CAMKK2: variants seen among roughly 807,000 people sequenced by gnomAD.
CAMKK2 encodes calcium/calmodulin dependent protein kinase kinase 2.
Under a neutral mutation model 67.2 loss-of-function variants are expected in CAMKK2, and 30 were observed. The ratio of observed to expected loss-of-function variants is 0.45; its 90% CI spans 0.33 to 0.61. The LOEUF (loss-of-function observed/expected upper bound fraction) is 0.61, where lower values mean the gene tolerates loss of function less well. Among genes scored for constraint, CAMKK2 ranks in the 20% least tolerant of loss-of-function variants. The pLI is 0.02. For missense variants in CAMKK2, 643 were observed against 802.0 expected, an observed-to-expected ratio of 0.80 and a Z score of 2.39; for synonymous variants, 322 against 326.2, an observed-to-expected ratio of 0.99 and a Z score of 0.14.
chr12:121,264,144 G>A lies in CAMKK2; in HGVS notation c.626-205C>T, dbSNP rs1233320345. On this transcript the variant is annotated intron_variant, in intron 5 of 16. Coordinates refer to ENST00000404169, the MANE Select transcript of CAMKK2 (RefSeq NM_001270485.2). ...GTGAGTGAGGGCGGAGCCCTCGGCC[G>A]TCCTGTGAATTCCCTCCTTCCCGTC... Among the ~76,000 whole-genome samples, 5 of 152,214 alleles carry A rather than the reference G, an allele frequency of 3.3e-5. 1 individual carries two copies. Among genetic ancestry groups the A allele is most frequent in the South Asian group, 4.1e-4 (2 of 4,830 alleles).
chr12:121,288,529 G>A (rs917945598), intron 1 of CAMKK2, among the ~76,000 whole-genome samples: 8 of 152,144 alleles, frequency 5.3e-5, no homozygotes, highest in Non-Finnish European at 1.0e-4. Flanking sequence ...ATACCCCAAA[G>A]CACATTTCAA....
At chr12:121,241,883 G>C (rs1888454697) in intron 16 of CAMKK2, among the ~76,000 whole-genome samples, 1 of 152,248 alleles carries the variant, frequency 6.6e-6, no homozygotes, top group Admixed American at 6.5e-5. Flanking sequence ...CCCAGTCCAA[G>C]ACCCCCAGTG....
At chr12:121,297,588 C>T (rs199844716), upstream of CAMKK2, 1 of 516,512 alleles carries the variant, frequency 1.9e-6, no homozygotes, top group East Asian at 5.5e-5. Flanking sequence ...GATAACAGCA[C>T]TGTGCGGGGA....
At position 121,248,672 on chromosome 12, in the gene CAMKK2, C is replaced by T. The variant is rs200149539; in HGVS notation, c.1386G>A (p.Thr462=). Reference sequence around the variant, plus strand: ...CCTCCTCTTCAGTCACTTCGACCAGCGTGCAGTTCTCATCCTCCGACGGCA... The same window carrying T: ...CCTCCTCTTCAGTCACTTCGACCAGTGTGCAGTTCTCATCCTCCGACGGCA... ...EPLPSEDENC[T]LVEVTEEEVE... The change falls in exon 14 of 17, where the codon ACG becomes ACA. Residue 462 remains threonine, a synonymous_variant. Transcript: ENST00000404169. The T allele has an allele frequency of 1.3e-4, 216 of 1,614,196 alleles. 3 individuals are homozygous for T. The South Asian group carries it at 2.3e-3, about 17-fold the overall frequency.
intron 1 of CAMKK2, among the ~76,000 whole-genome samples, chr12:121,281,186 C>T (rs1277230379): frequency 2.6e-5 from 4 of 152,256 alleles, no homozygotes; most frequent in Non-Finnish European, 4.4e-5. Context: ...ATGTGATTAT[C>T]GGGGCAGGTC....
Position 121,274,144 on chromosome 12 carries a change from T to G in CAMKK2, c.383A>C (p.Tyr128Ser). Residue 128 changes from tyrosine to serine, a missense_variant, in exon 2 of 17, where the codon TAC becomes TCC. Physicochemically the swap from Tyr to Ser is moderately radical, Grantham distance 144. Around this residue, in one of 3 missense-constraint regions of CAMKK2, gnomAD observed 483 missense variants for 625.8 expected, o/e 0.77. Transcript: ENST00000404169. Reference protein sequence around the residue: ...NGRCICPSLPYSPVSSPQSSP... With the variant: ...NGRCICPSLPSSPVSSPQSSP... ...GGACTGCGGGGAGCTGACGGGTGAG[T>G]AGGGCAGGGACGGGCAGATGCAGCG... 6.3e-7 allele frequency: 1 copy of G among 1,587,790 alleles called. No individual in the cohort carries two copies. The highest frequency in any genetic ancestry group is 8.6e-7 in the Non-Finnish European group (1 of 1,165,346).
chr12:121,283,241 G>T (rs527375953), intron 1 of CAMKK2, among the ~76,000 whole-genome samples: 1 of 152,174 alleles, frequency 6.6e-6, no homozygotes, highest in African/African-American at 2.4e-5. Flanking sequence ...CACGGAGGCG[G>T]TGCTGGAATA....
chr12:121,294,663 T>G (rs1900775632), intron 1 of CAMKK2, among the ~76,000 whole-genome samples: 1 of 152,162 alleles, frequency 6.6e-6, no homozygotes, highest in African/African-American at 2.4e-5. Context: ...GCAAGTTACT[T>G]AACTTCTCTG....
chr12:121,259,288 G>A (rs913370410), intron 7 of CAMKK2, among the ~76,000 whole-genome samples: 9 of 152,156 alleles, frequency 5.9e-5, no homozygotes, highest in Non-Finnish European at 8.8e-5. Flanking sequence ...TGTCCTGCTC[G>A]GGGTTTTTGT....
rs1041178938 is a variant in CAMKK2 at position 121,237,752 on chromosome 12, A to C, written c.*2947T>G. ...ACAGAGAAGCTTAAACACCTGTGGA[A>C]AAACACGAAAGGCTTAGTTGTCTCT... On this transcript the variant is annotated 3_prime_UTR_variant, in exon 17 of 17. Transcript: ENST00000404169. This position sits in a 1 kb window ranked among gnomAD's most constrained non-coding sequence, Gnocchi z 4.5. 6.6e-6 allele frequency: 1 copy of C among 152,648 alleles called. No individual in the cohort carries two copies. Among genetic ancestry groups the C allele is most frequent in the Non-Finnish European group, 1.5e-5 (1 of 68,046 alleles). The allele number at this position is 152,648 out of a possible 1,614,324, so 9.5% of individuals were successfully genotyped here.
Position 121,245,622 on chromosome 12 carries a change from A to G in CAMKK2, c.1453-382T>C, listed in dbSNP as rs1889297049. 6.6e-6 allele frequency among the ~76,000 whole-genome samples: 1 copy of G among 152,062 alleles called. No individual in the cohort carries two copies. The highest frequency in any genetic ancestry group is 2.4e-5 in the African/African-American group (1 of 41,402). ...GCCAGAGAGCCCCGGAAAGTTCTGGAGCAAGGACGTGAACCAGTCATTCTT... is the reference window on the plus strand; with the variant it reads ...GCCAGAGAGCCCCGGAAAGTTCTGGGGCAAGGACGTGAACCAGTCATTCTT... On this transcript the variant is annotated intron_variant, in intron 14 of 16. Coordinates refer to ENST00000404169, the MANE Select transcript of CAMKK2 (RefSeq NM_001270485.2). This position sits in a 1 kb window ranked among gnomAD's most constrained non-coding sequence, Gnocchi z 5.8.
chr12:121,248,879 G>A, intron 13 of CAMKK2, 145 bp from the exon 14 acceptor site: 1 of 882,794 alleles, frequency 1.1e-6, no homozygotes, highest in Non-Finnish European at 1.8e-6. Context: ...GCAGAGGGCA[G>A]GGGTGAGCAA....
At chr12:121,260,250 G>A (rs368588688) in intron 7 of CAMKK2, 69 bp downstream of exon 7, 59 of 1,376,728 alleles carry the variant, frequency 4.3e-5, no homozygotes, top group African/African-American at 1.6e-4. Context: ...AGGCTGCCTC[G>A]AGAGGACCCC....
At chr12:121,271,235 T>C (rs1384337227) in intron 2 of CAMKK2, among the ~76,000 whole-genome samples, 9 of 149,056 alleles carry the variant, frequency 6.0e-5, no homozygotes, top group Admixed American at 5.4e-4. Flanking sequence ...GATTGCACCA[T>C]TGCACTCCAG....
chr12:121,276,729 T>C (rs1896882856), intron 1 of CAMKK2, among the ~76,000 whole-genome samples: 1 of 151,864 alleles, frequency 6.6e-6, no homozygotes, highest in Non-Finnish European at 1.5e-5. Context: ...CTACTAAAAA[T>C]ACAACAATAA....
intron 14 of CAMKK2, among the ~76,000 whole-genome samples, chr12:121,248,375 AT>A (rs1889931457): frequency 6.6e-6 from 1 of 152,242 alleles, no homozygotes; most frequent in African/African-American, 2.4e-5. Context: ...GAAAGCAGGA[AT>A]TCCAGAAGGA....
intron 3 of CAMKK2, 72 bp from the exon 4 acceptor site, chr12:121,269,653 A>G (rs1895327706): frequency 3.3e-6 from 4 of 1,194,628 alleles, no homozygotes; most frequent in Non-Finnish European, 4.9e-6. Context: ...CCTAATACAG[A>G]CGTTGCAAAC....
intron 1 of CAMKK2, among the ~76,000 whole-genome samples, chr12:121,277,983 A>G (rs1897119764): frequency 1.3e-5 from 2 of 152,140 alleles, no homozygotes; most frequent in Admixed American, 1.3e-4. Context: ...ATAAATAAAT[A>G]AAAAGTGTTT....
At chr12:121,263,508 AG>A (rs1447286585) in intron 6 of CAMKK2, among the ~76,000 whole-genome samples, 3 of 152,226 alleles carry the variant, frequency 2.0e-5, no homozygotes, top group Admixed American at 2.0e-4. Flanking sequence ...ATGTGTAAGT[AG>A]AAAGAGAACC....
Sources: allele counts gnomAD v4.1 joint callset (sites outside exome capture counted in the v4.1 genomes callset), GRCh38; gene constraint gnomAD v4.1.1; regional missense constraint gnomAD v4.1.1; non-coding constraint Gnocchi (gnomAD v3.1); transcripts MANE v1.5; gene names NCBI Gene and HGNC (gene_info 2026-07-23, HGNC 2026-07-21).